Variants in TLL2 observed in about 807,000 individuals in gnomAD.
TLL2 encodes the protein tolloid-like protein 2.
A neutral mutation model predicts 123.0 loss-of-function variants in TLL2; 106 were observed. That is an observed-to-expected ratio of 0.86 (90% confidence interval 0.74 to 1.01). TLL2 has a LOEUF of 1.01. Among genes scored for constraint, TLL2 ranks in the 50% least tolerant of loss-of-function variants. TLL2 has a pLI of 0.00. For synonymous variants in TLL2, 494 were observed against 516.8 expected, an observed-to-expected ratio of 0.96 and a Z score of 0.60; for missense variants, 1,332 against 1,336.7, an observed-to-expected ratio of 1.00 and a Z score of 0.06.
At chr10:96,391,943 T>C (rs745350645) in intron 13 of TLL2, among the ~76,000 whole-genome samples, 1 of 152,214 alleles carries the variant, frequency 6.6e-6, no homozygotes, top group Non-Finnish European at 1.5e-5. Context: ...GCCCTCCAAG[T>C]AGGACACTGG....
chr10:96,432,689 G>A (rs530024556), intron 4 of TLL2, 118 bp downstream of exon 4: 31 of 1,315,572 alleles, frequency 2.4e-5, no homozygotes, highest in East Asian at 7.1e-5. Context: ...TCATCTGTAG[G>A]CCTGCTGTGG....
At chr10:96,504,657 A>G (rs1481470066) in intron 1 of TLL2, among the ~76,000 whole-genome samples, 1 of 152,070 alleles carries the variant, frequency 6.6e-6, no homozygotes, top group Non-Finnish European at 1.5e-5. Flanking sequence ...AATCCCATAA[A>G]TCCCTTAAAA....
rs1044036278 is a variant in TLL2 at position 96,364,885 on chromosome 10, C to A, written c.*3203G>T. The A allele has an allele frequency of 1.3e-5, 2 of 152,358 alleles. No individual in the cohort carries two copies. The highest frequency in any genetic ancestry group is 2.1e-4 in the South Asian group (1 of 4,828). The allele number at this position is 152,358 out of a possible 1,614,324, so 9.4% of individuals were successfully genotyped here. On this transcript the variant is annotated 3_prime_UTR_variant, in exon 21 of 21. Transcript: ENST00000357947. ...CATTTGTTCACAAATGGAACGCTAACAATACCAATCTGAAAGCTATCAAAG... is the reference window on the plus strand; with the variant it reads ...CATTTGTTCACAAATGGAACGCTAAAAATACCAATCTGAAAGCTATCAAAG...
intron 3 of TLL2, among the ~76,000 whole-genome samples, chr10:96,437,546 C>T (rs576455097): frequency 5.3e-5 from 8 of 152,356 alleles, no homozygotes; most frequent in African/African-American, 1.9e-4. Flanking sequence ...ATATCTACCC[C>T]TCTTTCCCCT....
At chr10:96,449,734 C>T (rs1354788730) in intron 2 of TLL2, among the ~76,000 whole-genome samples, 1 of 152,204 alleles carries the variant, frequency 6.6e-6, no homozygotes, top group Non-Finnish European at 1.5e-5. Context: ...CTACTCCCTC[C>T]ACTGCCACTC....
chr10:96,379,631 G>C (rs1028841559), intron 16 of TLL2, among the ~76,000 whole-genome samples: 2 of 152,104 alleles, frequency 1.3e-5, no homozygotes, highest in African/African-American at 4.8e-5. Flanking sequence ...AGACCAGCCT[G>C]GCCAAAATGG....
chr10:96,437,434 G>A (rs1338691970), intron 3 of TLL2, among the ~76,000 whole-genome samples: 2 of 152,188 alleles, frequency 1.3e-5, no homozygotes, highest in Non-Finnish European at 1.5e-5. Flanking sequence ...ATGTGTGTAA[G>A]ACAATTTTAT....
Position 96,378,979 on chromosome 10 carries a change from C to T in TLL2, c.2308G>A (p.Asp770Asn). 1 of 1,614,200 alleles carries T rather than the reference C, an allele frequency of 6.2e-7. No individual in the cohort carries two copies. The highest frequency in any genetic ancestry group is 8.5e-7 in the Non-Finnish European group (1 of 1,180,016). ...GGTCCAGCCTCACCCTCTTTGCAGTCATGCCCATTCTCGTGGAGCCAGTAG... is the reference window on the plus strand; with the variant it reads ...GGTCCAGCCTCACCCTCTTTGCAGTTATGCCCATTCTCGTGGAGCCAGTAG... Reference protein sequence around the residue: ...NGYWLHENGHDCKEAGCAHKI... With the variant: ...NGYWLHENGHNCKEAGCAHKI... The change falls in exon 17 of 21, where the codon GAC becomes AAC. Residue 770 changes from aspartate to asparagine, a missense_variant. Asp to Asn is a conservative substitution (Grantham distance 23). Transcript: ENST00000357947.
intron 9 of TLL2, 35 bp from the exon 10 acceptor site, chr10:96,405,369 C>T: frequency 6.2e-7 from 1 of 1,604,882 alleles, no homozygotes; most frequent in Non-Finnish European, 8.5e-7. Flanking sequence ...GTTTTGGCAG[C>T]AAAGCCTGAG....
At chr10:96,473,082 GT>G (rs1388777026) in intron 2 of TLL2, among the ~76,000 whole-genome samples, 2 of 152,196 alleles carry the variant, frequency 1.3e-5, no homozygotes, top group Non-Finnish European at 2.9e-5. Flanking sequence ...CTGAGACCAG[GT>G]GAGAGTAATG....
chr10:96,405,521 G>C (rs1435495312), intron 9 of TLL2, among the ~76,000 whole-genome samples, 187 bp from the exon 10 acceptor site: 2 of 152,174 alleles, frequency 1.3e-5, no homozygotes, highest in African/African-American at 2.4e-5. Context: ...CCTTAAGCAG[G>C]ATGGGGAGTA....
At chr10:96,403,996 T>G (rs11598080) in intron 10 of TLL2, among the ~76,000 whole-genome samples, 1,945 of 150,178 alleles carry the variant, frequency 0.013, 20 homozygotes, top group African/African-American at 0.036. Flanking sequence ...CATAGATTCT[T>G]TTGCTCACAT....
chr10:96,405,408 G>T, intron 9 of TLL2, 74 bp from the exon 10 acceptor site: 2 of 1,377,830 alleles, frequency 1.5e-6, no homozygotes, highest in Non-Finnish European at 2.1e-6. Context: ...CTTGCATACT[G>T]GTGTTCTCAC....
chr10:96,399,654 G>A lies in TLL2; in HGVS notation c.1268-2352C>T, dbSNP rs572355063. Among the ~76,000 whole-genome samples the A allele has an allele frequency of 1.3e-4, 20 of 152,358 alleles. No individual in the cohort carries two copies. The East Asian group carries it at 3.7e-3, about 28-fold the overall frequency. ...GCCAATTAGTGTCAAGTGATTTTTG[G>A]AAAATGACAGGCAAGCCTGGGGAAG... On this transcript the variant is annotated intron_variant, in intron 10 of 20. Transcript: ENST00000357947.
chr10:96,474,645 C>T (rs899389237), intron 2 of TLL2, among the ~76,000 whole-genome samples: 7 of 152,130 alleles, frequency 4.6e-5, no homozygotes, highest in African/African-American at 7.2e-5. Context: ...CTTAAGAGTC[C>T]GACCAAGGAA....
intron 2 of TLL2, among the ~76,000 whole-genome samples, chr10:96,476,245 A>ATATATATATATATATT (rs1847249979): frequency 1.9e-5 from 1 of 53,894 alleles, no homozygotes. Flanking sequence ...TATATATTTT[A>ATATATATATATATATT]TTTTTGTTGT....
At chr10:96,412,552 C>T (rs1388978577) in intron 8 of TLL2, among the ~76,000 whole-genome samples, 1 of 152,122 alleles carries the variant, frequency 6.6e-6, no homozygotes, top group African/African-American at 2.4e-5. Flanking sequence ...CGGGACAAAT[C>T]CAAGGGGAAG....
At chr10:96,444,956 G>C (rs537521498) in intron 3 of TLL2, among the ~76,000 whole-genome samples, 4 of 152,192 alleles carry the variant, frequency 2.6e-5, no homozygotes, top group Non-Finnish European at 5.9e-5. Flanking sequence ...TTGGGAGGCC[G>C]AGGCGGGCAG....
At chr10:96,497,890 C>A (rs1458404638) in intron 1 of TLL2, among the ~76,000 whole-genome samples, 1 of 152,240 alleles carries the variant, frequency 6.6e-6, no homozygotes, top group Non-Finnish European at 1.5e-5. Flanking sequence ...ATAGGGATGA[C>A]TACTTTGGCC....
Sources: gnomAD v4.1 joint callset for allele counts (sites outside exome capture counted in the v4.1 genomes callset) on GRCh38, gnomAD v4.1.1 for gene constraint, MANE v1.5 for transcripts, NCBI Gene and HGNC (gene_info 2026-07-23, HGNC 2026-07-21) for gene names.